The following CHRM3 variants were observed in gnomAD, a reference collection of about 807,000 sequenced individuals.
CHRM3 encodes cholinergic receptor muscarinic 3, also known as muscarinic acetylcholine receptor M3.
A neutral mutation model predicts 41.8 loss-of-function variants in CHRM3; 11 were observed. The observed-to-expected ratio is 0.26, with a 90% CI of 0.17 to 0.44. The LOEUF is 0.44. Among genes scored for constraint, CHRM3 ranks in the 20% least tolerant of loss-of-function variants. The pLI is 1.00. For missense variants in CHRM3, 571 were observed against 745.4 expected (o/e 0.77, Z 2.72); for synonymous variants, 297 against 301.4 (o/e 0.99, Z 0.15).
At chr1:239,823,823 A>G (rs540464278) in intron 5 of CHRM3, among the ~76,000 whole-genome samples, 3 of 152,186 alleles carry the variant, frequency 2.0e-5, no homozygotes, top group African/African-American at 7.2e-5. Context: ...TAGTTTTCCA[A>G]AAGGAATTAG....
chr1:239,435,919 C>T (rs888474135), intron 1 of CHRM3, among the ~76,000 whole-genome samples: 10 of 152,106 alleles, frequency 6.6e-5, no homozygotes, highest in African/African-American at 2.4e-4. Context: ...TACTGGCAAA[C>T]TCAGGGGTTG....
At chr1:239,821,987 G>T (rs1672091123) in intron 5 of CHRM3, among the ~76,000 whole-genome samples, 1 of 152,136 alleles carries the variant, frequency 6.6e-6, no homozygotes, top group Non-Finnish European at 1.5e-5. Flanking sequence ...GAAGGTGCCT[G>T]CTTCTCCTTT....
chr1:239,520,294 C>T (rs1473821097), intron 2 of CHRM3, among the ~76,000 whole-genome samples: 1 of 152,130 alleles, frequency 6.6e-6, no homozygotes, highest in Non-Finnish European at 1.5e-5. Context: ...TCACCTAAAT[C>T]TCGTGTTGAA....
chr1:239,496,442 A>T (rs1022378085), intron 2 of CHRM3, among the ~76,000 whole-genome samples: 1 of 152,016 alleles, frequency 6.6e-6, no homozygotes, highest in Non-Finnish European at 1.5e-5. Context: ...ATAATTGTAC[A>T]ATAACTGATA....
chr1:239,488,124 G>A (rs1667304677), intron 1 of CHRM3, among the ~76,000 whole-genome samples: 1 of 152,170 alleles, frequency 6.6e-6, no homozygotes, highest in East Asian at 1.9e-4. Flanking sequence ...CTTTGTGAGA[G>A]TGTAAATTGG....
intron 5 of CHRM3, among the ~76,000 whole-genome samples, chr1:239,809,864 G>C (rs1670980598): frequency 6.6e-6 from 1 of 152,014 alleles, no homozygotes; most frequent in Admixed American, 6.6e-5. Context: ...GAGATGTTTG[G>C]GCCTTATGAA....
chr1:239,872,262 T>G (rs1208553127), intron 6 of CHRM3, among the ~76,000 whole-genome samples: 1 of 152,230 alleles, frequency 6.6e-6, no homozygotes, highest in Admixed American at 6.5e-5. Context: ...TGCTACCTTT[T>G]TAGTTTTAGA....
intron 6 of CHRM3, among the ~76,000 whole-genome samples, chr1:239,881,172 T>G (rs374537969): frequency 1.4e-5 from 2 of 145,730 alleles, no homozygotes; most frequent in Non-Finnish European, 3.0e-5. Context: ...AGTCCCAGCT[T>G]CTCGGGAGGC....
At chr1:239,667,136 G>C (rs1163462552) in intron 4 of CHRM3, among the ~76,000 whole-genome samples, 1 of 151,904 alleles carries the variant, frequency 6.6e-6, no homozygotes, top group East Asian at 1.9e-4. Context: ...TAATTTCTTT[G>C]TATCACGAAT....
At chr1:239,426,040 C>A (rs1202606131) in intron 1 of CHRM3, among the ~76,000 whole-genome samples, 1 of 151,422 alleles carries the variant, frequency 6.6e-6, no homozygotes, top group Non-Finnish European at 1.5e-5. Context: ...GCACAACGTG[C>A]AGGTTAGTTA....
chr1:239,860,243 T>C (rs1675528477), intron 6 of CHRM3, among the ~76,000 whole-genome samples: 1 of 152,164 alleles, frequency 6.6e-6, no homozygotes, highest in Non-Finnish European at 1.5e-5. Flanking sequence ...CATAAACAAG[T>C]CTGATATTGC....
chr1:239,682,657 A>G (rs935766572), intron 5 of CHRM3, among the ~76,000 whole-genome samples: 1 of 152,160 alleles, frequency 6.6e-6, no homozygotes, highest in African/African-American at 2.4e-5. Context: ...ACTGACGTAA[A>G]ATATAAATAT....
intron 2 of CHRM3, among the ~76,000 whole-genome samples, chr1:239,496,565 G>T (rs997000674): frequency 6.7e-6 from 1 of 149,082 alleles, no homozygotes; most frequent in Non-Finnish European, 1.5e-5. Flanking sequence ...ATATTATACG[G>T]TTGTATCTCC....
intron 3 of CHRM3, among the ~76,000 whole-genome samples, chr1:239,549,715 A>G (rs1659636704): frequency 6.6e-6 from 1 of 151,426 alleles, no homozygotes; most frequent in East Asian, 2.0e-4. Context: ...TAAGTCCAAT[A>G]TCTATCTGAT....
chr1:239,760,306 GAAC>G (rs1410001482), intron 5 of CHRM3, among the ~76,000 whole-genome samples: 1 of 151,684 alleles, frequency 6.6e-6, no homozygotes, highest in Non-Finnish European at 1.5e-5. Flanking sequence ...TCTTGATTTA[GAAC>G]AATATTTCTA....
At chr1:239,410,516 C>A (rs1572201344) in intron 1 of CHRM3, among the ~76,000 whole-genome samples, 1 of 152,148 alleles carries the variant, frequency 6.6e-6, no homozygotes. Flanking sequence ...AAAATGCACA[C>A]ATCAGTCATT....
chr1:239,654,461 C>T (rs937242274), intron 4 of CHRM3, among the ~76,000 whole-genome samples: 5 of 152,182 alleles, frequency 3.3e-5, no homozygotes, highest in African/African-American at 4.8e-5. Context: ...TGCAGCAGTG[C>T]GATCTCAGCT....
At chr1:239,543,621 C>T (rs1003655188) in intron 2 of CHRM3, among the ~76,000 whole-genome samples, 4 of 151,962 alleles carry the variant, frequency 2.6e-5, no homozygotes, top group African/African-American at 9.7e-5. Flanking sequence ...CATTCTCCTG[C>T]CTCAGCCTCC....
chr1:239,842,333 C>T (rs1673881339), intron 6 of CHRM3, among the ~76,000 whole-genome samples: 1 of 151,778 alleles, frequency 6.6e-6, no homozygotes. Context: ...CCTCCCGGTT[C>T]AAGTGATTCT....
Sources: allele counts gnomAD v4.1 joint callset (sites outside exome capture counted in the v4.1 genomes callset), GRCh38; gene constraint gnomAD v4.1.1; transcripts MANE v1.5; gene names NCBI Gene and HGNC (gene_info 2026-07-23, HGNC 2026-07-21).